STPG2: variants seen among roughly 807,000 people sequenced by gnomAD.
The protein encoded by STPG2 is sperm-tail PG-rich repeat-containing protein 2.
In STPG2, 56 loss-of-function variants were observed where a neutral mutation model predicts 54.2. The observed-to-expected ratio is 1.03, with a 90% confidence interval of 0.83 to 1.29. STPG2 has a LOEUF of 1.29. Ranked by LOEUF, STPG2 falls within the 50% of genes most tolerant of loss-of-function variation. The pLI is 0.00. For synonymous variants in STPG2, 200 were observed against 181.8 expected (o/e 1.10, Z -0.81); for missense variants, 596 against 544.9 (o/e 1.09, Z -0.93).
intron 2 of STPG2, among the ~76,000 whole-genome samples, chr4:98,129,537 G>C (rs1024701760): frequency 2.6e-5 from 4 of 152,062 alleles, no homozygotes; most frequent in East Asian, 1.9e-4. Context: ...AATACCAAAA[G>C]AAGCTATACA....
chr4:97,570,229 T>A (rs1464130198), intron 10 of STPG2, among the ~76,000 whole-genome samples: 1 of 152,174 alleles, frequency 6.6e-6, no homozygotes, highest in East Asian at 1.9e-4. Context: ...AAAGTGTGAA[T>A]TATTAATTAC....
At chr4:97,882,585 A>C (rs960018747) in intron 8 of STPG2, among the ~76,000 whole-genome samples, 5 of 152,156 alleles carry the variant, frequency 3.3e-5, no homozygotes, top group African/African-American at 1.2e-4. Flanking sequence ...CTACCTACCC[A>C]ATGCCCCTCA....
chr4:98,122,421 T>G (rs1004814953), intron 3 of STPG2, among the ~76,000 whole-genome samples: 1 of 152,244 alleles, frequency 6.6e-6, no homozygotes. Flanking sequence ...TGTTGAATTT[T>G]ATCAAAGGCC....
chr4:97,519,053 A>G (rs1378774157), intron 4 of STPG2, among the ~76,000 whole-genome samples: 2 of 152,172 alleles, frequency 1.3e-5, no homozygotes, highest in African/African-American at 4.8e-5. Flanking sequence ...ATATTTTCTC[A>G]AGTTTAAAAA....
intron 9 of STPG2, among the ~76,000 whole-genome samples, chr4:97,777,891 A>G (rs1424200407): frequency 1.3e-5 from 2 of 152,148 alleles, no homozygotes; most frequent in African/African-American, 4.8e-5. Flanking sequence ...TCAAATTACT[A>G]TCTATCAATG....
At chr4:98,021,756 C>G (rs1349333143) in intron 5 of STPG2, among the ~76,000 whole-genome samples, 1 of 151,796 alleles carries the variant, frequency 6.6e-6, no homozygotes, top group African/African-American at 2.4e-5. Context: ...GAATTGATCC[C>G]TTTACCATTA....
intron 10 of STPG2, among the ~76,000 whole-genome samples, chr4:97,659,819 AC>A (rs1358382739): frequency 6.6e-6 from 1 of 152,206 alleles, no homozygotes; most frequent in East Asian, 1.9e-4. Flanking sequence ...CCTGGTGGAC[AC>A]ATATTTTAAA....
At chr4:97,736,018 C>T (rs1204547393) in intron 9 of STPG2, among the ~76,000 whole-genome samples, 1 of 152,048 alleles carries the variant, frequency 6.6e-6, no homozygotes, top group African/African-American at 2.4e-5. Flanking sequence ...GTTAGGATGG[C>T]AAATACCAAA....
chr4:97,889,864 C>T (rs545072394), intron 8 of STPG2, among the ~76,000 whole-genome samples: 3 of 152,200 alleles, frequency 2.0e-5, no homozygotes, highest in Admixed American at 2.0e-4. Flanking sequence ...TGAGGTACTA[C>T]ACATTAGTTA....
chr4:97,744,299 T>A (rs1725357613), intron 9 of STPG2, among the ~76,000 whole-genome samples: 1 of 151,354 alleles, frequency 6.6e-6, no homozygotes, highest in African/African-American at 2.4e-5. Flanking sequence ...TAAGCTGTGA[T>A]GAAAATAAGC....
intron 5 of STPG2, among the ~76,000 whole-genome samples, chr4:98,014,924 T>C (rs906969179): frequency 1.3e-5 from 2 of 152,184 alleles, no homozygotes; most frequent in African/African-American, 4.8e-5. Context: ...TTAAAATATA[T>C]CATCCCACTG....
At chr4:97,806,503 T>C (rs1282788619) in intron 9 of STPG2, among the ~76,000 whole-genome samples, 1 of 152,040 alleles carries the variant, frequency 6.6e-6, no homozygotes, top group Admixed American at 6.6e-5. Flanking sequence ...ATGTACCCCC[T>C]GAATCTAAAA....
chr4:98,015,191 C>A (rs566784570), intron 5 of STPG2, among the ~76,000 whole-genome samples: 1 of 152,030 alleles, frequency 6.6e-6, no homozygotes, highest in Admixed American at 6.6e-5. Flanking sequence ...GGCAACAAAA[C>A]CCAAAATAGA....
chr4:98,006,384 A>G (rs1735575631), intron 5 of STPG2, among the ~76,000 whole-genome samples: 1 of 152,186 alleles, frequency 6.6e-6, no homozygotes, highest in Non-Finnish European at 1.5e-5. Flanking sequence ...AGAGGCTGTG[A>G]GAAGTAAAGG....
intron 9 of STPG2, among the ~76,000 whole-genome samples, chr4:97,738,861 C>A (rs1008005017): frequency 7.9e-5 from 12 of 152,090 alleles, no homozygotes; most frequent in South Asian, 2.1e-4. Flanking sequence ...ACCAAGTGGA[C>A]CTAATAGACA....
At chr4:98,120,427 C>T (rs573967089) in intron 3 of STPG2, among the ~76,000 whole-genome samples, 4 of 152,234 alleles carry the variant, frequency 2.6e-5, no homozygotes, top group Admixed American at 2.6e-4. Flanking sequence ...GGTATATACC[C>T]AGTAATAAGA....
At chr4:97,591,501 T>C (rs1181589651) in intron 10 of STPG2, among the ~76,000 whole-genome samples, 1 of 152,198 alleles carries the variant, frequency 6.6e-6, no homozygotes, top group Non-Finnish European at 1.5e-5. Flanking sequence ...GTTTTAGCAG[T>C]TTGGAGAATT....
At chr4:97,690,123 A>C (rs1162731426) in intron 10 of STPG2, among the ~76,000 whole-genome samples, 6 of 152,184 alleles carry the variant, frequency 3.9e-5, no homozygotes, top group African/African-American at 1.4e-4. Context: ...AGCTTCCAAT[A>C]ATTAAAGATA....
chr4:97,603,143 A>G (rs112199458), intron 10 of STPG2, among the ~76,000 whole-genome samples: 4 of 151,812 alleles, frequency 2.6e-5, no homozygotes, highest in Admixed American at 2.6e-4. Context: ...CCAATTTAAA[A>G]AACAGGCAAA....
Sources: allele counts gnomAD v4.1 joint callset (sites outside exome capture counted in the v4.1 genomes callset), GRCh38; gene constraint gnomAD v4.1.1; transcripts MANE v1.5; gene names NCBI Gene and HGNC (gene_info 2026-07-23, HGNC 2026-07-21).